ACO2: variants seen among roughly 807,000 people sequenced by gnomAD.
ACO2 encodes aconitase 2.
Under a neutral mutation model 84.5 loss-of-function variants are expected in ACO2, and 31 were observed. That is an observed-to-expected ratio of 0.37 (90% confidence interval 0.28 to 0.50). ACO2 has a LOEUF of 0.50. ACO2 is among the 20% of genes least tolerant of loss of function. ACO2 has a pLI of 0.97. For synonymous variants in ACO2, 414 were observed against 412.7 expected (o/e 1.00, Z -0.04); for missense variants, 685 against 1,029.3 (o/e 0.67, Z 4.58).
chr22:41,499,885 G>A (rs1170544928), intron 2 of ACO2, 23 bp downstream of exon 2: 3 of 1,612,672 alleles, frequency 1.9e-6, no homozygotes, highest in Admixed American at 1.7e-5. Context: ...ATGGGAGGCT[G>A]TGACTGTCAA....
At chr22:41,519,370 T>TA (rs1163114698) in intron 8 of ACO2, among the ~76,000 whole-genome samples, 1 of 152,192 alleles carries the variant, frequency 6.6e-6, no homozygotes, top group African/African-American at 2.4e-5. Flanking sequence ...GTGTGGAACC[T>TA]ACAGCAGTCG....
At chr22:41,503,937 G>A (rs1390169869) in intron 2 of ACO2, among the ~76,000 whole-genome samples, 1 of 152,220 alleles carries the variant, frequency 6.6e-6, no homozygotes, top group Non-Finnish European at 1.5e-5. Flanking sequence ...ATTCTAGCCG[G>A]GTATGGTAGC....
chr22:41,518,435 C>G (rs1394050085), intron 7 of ACO2, 46 bp from the exon 8 acceptor site: 3 of 1,465,476 alleles, frequency 2.0e-6, no homozygotes, highest in Admixed American at 1.7e-5. Flanking sequence ...CTCTCAAGAA[C>G]AGTTTATGTT....
At chr22:41,471,529 G>A (rs932438928) in intron 1 of ACO2, among the ~76,000 whole-genome samples, 8 of 152,140 alleles carry the variant, frequency 5.3e-5, no homozygotes, top group South Asian at 2.1e-4. Flanking sequence ...TTTACTGAGC[G>A]CCCAATGCTT....
At chr22:41,525,120 C>G (rs1416500476) in intron 13 of ACO2, 73 bp from the exon 14 acceptor site, 17 of 1,595,754 alleles carry the variant, frequency 1.1e-5, no homozygotes, top group Non-Finnish European at 1.4e-5. Flanking sequence ...CCCGAGGAAA[C>G]TTGCCTTCTG....
At chr22:41,499,612 T>G in intron 1 of ACO2, 114 bp from the exon 2 acceptor site, 1 of 1,190,006 alleles carries the variant, frequency 8.4e-7, no homozygotes, top group African/African-American at 1.5e-5. Context: ...CTGCAGTTAC[T>G]GAACAGCTCT....
chr22:41,478,783 T>A, intron 1 of ACO2, among the ~76,000 whole-genome samples: 1 of 150,056 alleles, frequency 6.7e-6, no homozygotes, highest in African/African-American at 2.5e-5. Context: ...TTTTTTTTTT[T>A]TGAGAAGGAG....
At chr22:41,524,471 A>T (rs981694333) in intron 12 of ACO2, among the ~76,000 whole-genome samples, 1 of 152,224 alleles carries the variant, frequency 6.6e-6, no homozygotes, top group Admixed American at 6.5e-5. Context: ...GTCTTGCTAA[A>T]TGGGTGAAGG....
chr22:41,520,811 C>T (rs2066518591), intron 9 of ACO2, among the ~76,000 whole-genome samples: 1 of 150,320 alleles, frequency 6.7e-6, no homozygotes, highest in South Asian at 2.1e-4. Flanking sequence ...CACTGCACTC[C>T]AGCCTGGGTG....
intron 17 of ACO2, 52 bp from the exon 18 acceptor site, chr22:41,528,427 C>A: frequency 6.3e-7 from 1 of 1,596,128 alleles, no homozygotes; most frequent in Non-Finnish European, 8.5e-7. Flanking sequence ...CCTGCGGGGC[C>A]AAGGGCACAC....
chr22:41,515,541 G>T lies in ACO2; in HGVS notation c.684+6G>T. 2 of 1,605,234 alleles carry T rather than the reference G, an allele frequency of 1.2e-6. No homozygotes were observed. The highest frequency in any genetic ancestry group is 1.1e-5 in the South Asian group (1 of 89,854). On this transcript the variant is annotated splice_donor_region_variant and intron_variant, in intron 5 of 17. Coordinates refer to ENST00000216254, the MANE Select transcript of ACO2 (RefSeq NM_001098.3). The surrounding 1 kb of genome is among the most constrained non-coding windows in gnomAD (Gnocchi z 5.8). ...GGGAGCTGAAGTGCCCCAAGGTGAG[G>T]GTGGGGAGGGACTCATTCTGGGCTG...
chr22:41,510,816 G>A (rs955456245), intron 3 of ACO2, among the ~76,000 whole-genome samples: 2 of 152,136 alleles, frequency 1.3e-5, no homozygotes, highest in Non-Finnish European at 2.9e-5. Context: ...GCTACAGCCC[G>A]TGTCATCATT....
chr22:41,498,768 A>G (rs1008483253), intron 1 of ACO2, among the ~76,000 whole-genome samples: 5 of 152,174 alleles, frequency 3.3e-5, no homozygotes, highest in Admixed American at 6.5e-5. Flanking sequence ...GTCACATTCT[A>G]TAAAGTAGAA....
At chr22:41,502,934 A>T (rs2066364084) in intron 2 of ACO2, among the ~76,000 whole-genome samples, 1 of 151,916 alleles carries the variant, frequency 6.6e-6, no homozygotes, top group Non-Finnish European at 1.5e-5. Flanking sequence ...TAATAAAAAA[A>T]TTTTAAAGAT....
At chr22:41,523,342 G>A in intron 11 of ACO2, 64 bp downstream of exon 11, 1 of 1,329,920 alleles carries the variant, frequency 7.5e-7, no homozygotes, top group Non-Finnish European at 1.0e-6. Flanking sequence ...CCAGAAGTTG[G>A]AGGGGGAATT....
chr22:41,488,602 G>C (rs2066249691), intron 1 of ACO2, among the ~76,000 whole-genome samples: 1 of 152,016 alleles, frequency 6.6e-6, no homozygotes, highest in South Asian at 2.1e-4. Flanking sequence ...TGCGTTCTGG[G>C]GCAACACACT....
In ACO2 at chr22:41,507,972, G is replaced by T. The variant is rs1457873440; in HGVS notation, c.355G>T (p.Ala119Ser). Residue 119 changes from alanine (A) to serine (S), a missense_variant, in exon 3 of 18, where the codon GCT (alanine) becomes TCT (serine). By Grantham distance (99) the Ala-to-Ser change is moderately conservative. Coordinates refer to ENST00000216254, the MANE Select transcript of ACO2 (RefSeq NM_001098.3). ...QFISSGLSKV[A>S]VPSTIHCDHL... ...CATCAGCAGCGGGCTGTCCAAGGTG[G>T]CTGTGCCATCCACCATCCACTGTGA... The T allele has an allele frequency of 1.9e-6, 3 of 1,614,256 alleles. No homozygotes were observed. In the South Asian group the frequency reaches 3.3e-5, roughly 18 times the overall value.
At chr22:41,510,964 A>G (rs1038638826) in intron 3 of ACO2, among the ~76,000 whole-genome samples, 9 of 152,178 alleles carry the variant, frequency 5.9e-5, no homozygotes, top group Middle Eastern at 3.2e-3. Flanking sequence ...GGTGTCGTCT[A>G]AGCCTGGGAT....
In ACO2 at chr22:41,485,586, G is replaced by A. The variant is rs1380577190; in HGVS notation, c.37-14140G>A. Among the ~76,000 whole-genome samples, 6 of 151,690 alleles carry A rather than the reference G, an allele frequency of 4.0e-5. No individual in the cohort carries two copies. In the East Asian group the frequency reaches 5.8e-4, roughly 15 times the overall value. ...CTCTCGAGTAGCTGGGACTACAGGCGCCCACCACCACGCCCGGCAAATTTT... is the reference window on the plus strand; with the variant it reads ...CTCTCGAGTAGCTGGGACTACAGGCACCCACCACCACGCCCGGCAAATTTT... On this transcript the variant is annotated intron_variant, in intron 1 of 17. Coordinates refer to ENST00000216254, the MANE Select transcript of ACO2 (RefSeq NM_001098.3).
Sources: allele counts gnomAD v4.1 joint callset (sites outside exome capture counted in the v4.1 genomes callset), GRCh38; gene constraint gnomAD v4.1.1; non-coding constraint Gnocchi (gnomAD v3.1); transcripts MANE v1.5; gene names NCBI Gene and HGNC (gene_info 2026-07-23, HGNC 2026-07-21).